Variants in ARHGAP24 observed in about 807,000 individuals in gnomAD.
ARHGAP24 encodes the protein Rho GTPase activating protein 24, also known as rho GTPase-activating protein 24.
In ARHGAP24, 50 loss-of-function variants were observed where a neutral mutation model predicts 76.4. The ratio of observed to expected loss-of-function variants is 0.65; its 90% CI spans 0.52 to 0.83. The LOEUF is 0.83. ARHGAP24 is among the 40% of genes least tolerant of loss of function. The pLI, the probability that ARHGAP24 is intolerant of heterozygous loss-of-function variation, is 0.00. For synonymous variants in ARHGAP24, 345 were observed against 323.3 expected (o/e 1.07, Z -0.72); for missense variants, 930 against 914.2 (o/e 1.02, Z -0.22).
intron 3 of ARHGAP24, among the ~76,000 whole-genome samples, chr4:85,814,738 T>G (rs1480871790): frequency 2.0e-5 from 3 of 152,240 alleles, no homozygotes; most frequent in African/African-American, 7.2e-5. Context: ...GACCTACCAT[T>G]CTAGGGTCTG....
chr4:85,642,018 T>C (rs1721541962), intron 2 of ARHGAP24, among the ~76,000 whole-genome samples: 1 of 152,182 alleles, frequency 6.6e-6, no homozygotes, highest in Non-Finnish European at 1.5e-5. Flanking sequence ...CAATGTCTTC[T>C]TGATCTCTCT....
intron 5 of ARHGAP24, 45 bp downstream of exon 5, chr4:85,942,318 A>G: frequency 6.3e-7 from 1 of 1,596,432 alleles, no homozygotes; most frequent in Non-Finnish European, 8.6e-7. Context: ...AGAAATTCAG[A>G]CTCAACTGAC....
chr4:85,495,813 TGA>T (rs1221477323), intron 1 of ARHGAP24, among the ~76,000 whole-genome samples: 3 of 152,298 alleles, frequency 2.0e-5, no homozygotes, highest in African/African-American at 7.2e-5. Flanking sequence ...GACAGAGGCA[TGA>T]GAGTGATTCA....
At chr4:85,562,928 G>C (rs12501745) in intron 1 of ARHGAP24, among the ~76,000 whole-genome samples, 35,036 of 152,166 alleles carry the variant, frequency 0.23, 5,912 homozygotes, top group East Asian at 0.79. Context: ...AAAAGTTGAA[G>C]CATCTGCAGC....
rs767840669 is a variant in ARHGAP24 at position 85,923,641 on chromosome 4, T to C, written c.269-7T>C. On this transcript the variant is annotated splice_polypyrimidine_tract_variant and splice_region_variant and intron_variant, in intron 3 of 9. Coordinates refer to ENST00000395184, the MANE Select transcript of ARHGAP24 (RefSeq NM_001025616.3). ...ACTTCAGCTGCATTGTTACTGTGTT[T>C]TCACAGGAGGCGATCGAGATCGGAT... 4 of 1,613,548 alleles carry C rather than the reference T, an allele frequency of 2.5e-6. No individual in the cohort carries two copies. Among genetic ancestry groups the C allele is most frequent in the Non-Finnish European group, 3.4e-6 (4 of 1,179,676 alleles).
chr4:85,541,297 G>C (rs1029129323), intron 1 of ARHGAP24, among the ~76,000 whole-genome samples: 5 of 136,848 alleles, frequency 3.7e-5, no homozygotes, highest in Non-Finnish European at 7.5e-5. Context: ...GGGACTACAG[G>C]CGCCCGCCAC....
chr4:85,769,959 AC>A (rs1161622101), intron 3 of ARHGAP24, among the ~76,000 whole-genome samples: 1 of 152,118 alleles, frequency 6.6e-6, no homozygotes, highest in Non-Finnish European at 1.5e-5. Context: ...TACATGATAT[AC>A]TTATATACTT....
chr4:85,782,604 C>CT (rs1306899877), intron 3 of ARHGAP24, among the ~76,000 whole-genome samples: 1 of 152,110 alleles, frequency 6.6e-6, no homozygotes, highest in Non-Finnish European at 1.5e-5. Flanking sequence ...AAGCTTAGTG[C>CT]TTTTGATTGT....
At chr4:85,772,650 T>C (rs1246838729) in intron 3 of ARHGAP24, among the ~76,000 whole-genome samples, 11 of 152,180 alleles carry the variant, frequency 7.2e-5, no homozygotes. Flanking sequence ...ATGAAGATAA[T>C]TAGATTATCA....
intron 3 of ARHGAP24, chr4:85,827,710 G>C (rs1341878846): frequency 3.0e-6 from 1 of 328,722 alleles, no homozygotes; most frequent in East Asian, 7.7e-5. Flanking sequence ...CCTTTTGCTT[G>C]TGGTCACCTT....
chr4:85,895,817 A>C (rs1020663590), intron 3 of ARHGAP24, among the ~76,000 whole-genome samples: 2 of 152,140 alleles, frequency 1.3e-5, no homozygotes, highest in Non-Finnish European at 2.9e-5. Context: ...TAGACCATTT[A>C]CATGTTATTT....
intron 2 of ARHGAP24, among the ~76,000 whole-genome samples, chr4:85,612,927 T>C (rs1487600635): frequency 6.6e-6 from 1 of 151,172 alleles, no homozygotes; most frequent in Non-Finnish European, 1.5e-5. Flanking sequence ...GCCTTCTGAG[T>C]AGCTGCGACC....
intron 1 of ARHGAP24, among the ~76,000 whole-genome samples, chr4:85,547,622 A>G (rs1406258144): frequency 1.3e-5 from 2 of 151,874 alleles, no homozygotes; most frequent in Non-Finnish European, 2.9e-5. Context: ...TTTTGTGGAG[A>G]TGGGTTTTCA....
intron 3 of ARHGAP24, among the ~76,000 whole-genome samples, chr4:85,860,157 G>A (rs1454461988): frequency 6.6e-6 from 1 of 152,050 alleles, no homozygotes; most frequent in East Asian, 1.9e-4. Context: ...CAGAAACAGG[G>A]CCAGGAAGCT....
intron 3 of ARHGAP24, among the ~76,000 whole-genome samples, chr4:85,866,016 G>A (rs1732177715): frequency 6.6e-6 from 1 of 152,070 alleles, no homozygotes. Context: ...TGTTTTCTGA[G>A]AATACTAATA....
intron 2 of ARHGAP24, among the ~76,000 whole-genome samples, chr4:85,696,769 G>A (rs541990735): frequency 6.6e-6 from 1 of 152,232 alleles, no homozygotes; most frequent in African/African-American, 2.4e-5. Flanking sequence ...AGCTAAATCT[G>A]GGGCAGCACT....
intron 9 of ARHGAP24, among the ~76,000 whole-genome samples, chr4:85,997,364 TGATAGATATAGATAGATAGATA>T (rs1560776564): frequency 8.2e-6 from 1 of 122,496 alleles, no homozygotes; most frequent in Non-Finnish European, 1.5e-5. Context: ...AATAGATAGA[TGATAGATATAGATAGATAGATA>T]GATAGATAGA....
rs186923137 is a variant in ARHGAP24 at position 85,497,684 on chromosome 4, G to A, written c.-21+22125G>A. Among the ~76,000 whole-genome samples, 11 of 152,294 alleles carry A rather than the reference G, an allele frequency of 7.2e-5. No homozygotes were observed. The East Asian group carries it at 1.4e-3, about 19-fold the overall frequency. Reference sequence around the variant, plus strand: ...TAAAAATACAAATTAGCTGGACGTGGTGGTGCAGGCCTATAATCCTAGCTA... The same window carrying A: ...TAAAAATACAAATTAGCTGGACGTGATGGTGCAGGCCTATAATCCTAGCTA... On this transcript the variant is annotated intron_variant, in intron 1 of 9. Coordinates refer to ENST00000395184, the MANE Select transcript of ARHGAP24 (RefSeq NM_001025616.3).
At chr4:85,909,082 T>C (rs1560711092) in intron 3 of ARHGAP24, among the ~76,000 whole-genome samples, 1 of 152,210 alleles carries the variant, frequency 6.6e-6, no homozygotes, top group Non-Finnish European at 1.5e-5. Context: ...TAACTGACTA[T>C]ACTTCCAGGT....
Sources: allele counts gnomAD v4.1 joint callset (sites outside exome capture counted in the v4.1 genomes callset), GRCh38; gene constraint gnomAD v4.1.1; transcripts MANE v1.5; gene names NCBI Gene and HGNC (gene_info 2026-07-23, HGNC 2026-07-21).